The following HACE1 variants were observed in gnomAD, a reference collection of about 807,000 sequenced individuals.
The protein encoded by HACE1 is E3 ubiquitin-protein ligase HACE1.
Under a neutral mutation model 118.4 loss-of-function variants are expected in HACE1, and 73 were observed. That is an observed-to-expected ratio of 0.62 (90% CI 0.51 to 0.75). HACE1 has a LOEUF of 0.75. Ranked by LOEUF, HACE1 falls within the 30% of genes least tolerant of loss-of-function variation. The pLI is 0.00. For synonymous variants in HACE1, 368 were observed against 374.8 expected (o/e 0.98, Z 0.21); for missense variants, 749 against 1,102.2 (o/e 0.68, Z 4.54).
chr6:104,825,263 T>G (rs1285873844), intron 6 of HACE1, among the ~76,000 whole-genome samples: 1 of 152,100 alleles, frequency 6.6e-6, no homozygotes, highest in African/African-American at 2.4e-5. Context: ...TTTCCACGCC[T>G]AAGTAACAAA....
chr6:104,856,412 A>G (rs1337088745), intron 1 of HACE1, among the ~76,000 whole-genome samples: 3 of 151,722 alleles, frequency 2.0e-5, no homozygotes, highest in Non-Finnish European at 2.9e-5. Context: ...TACATACACT[A>G]ACAACATACA....
In HACE1 at chr6:104,849,228, G is replaced by T. The variant is rs761086584; in HGVS notation, c.240C>A (p.Cys80Ter). 3 of 1,601,128 alleles carry T rather than the reference G, an allele frequency of 1.9e-6. No homozygotes were observed. The highest frequency in any genetic ancestry group is 2.2e-5 in the South Asian group (2 of 90,786). ...HIAANCGSVECLVLLLKKGAN... is the reference protein window; with the variant it reads ...HIAANCGSVE ...CTCCTTTCTTTAACAGCAAAACCAA[G>T]CATTCCACCGATCCACAACTAAAAC... is the stretch of plus-strand genomic sequence containing the variant. The change falls in exon 4 of 24, where the codon TGC (cysteine) becomes TGA (stop). Residue 80 changes from cysteine to a stop codon, truncating the protein, a stop_gained. Coordinates refer to ENST00000262903, the MANE Select transcript of HACE1 (RefSeq NM_020771.4). LOFTEE classifies it high-confidence loss of function.
At chr6:104,858,269 C>A (rs4245525) in intron 1 of HACE1, 2 of 174,258 alleles carry the variant, frequency 1.1e-5, no homozygotes, top group South Asian at 9.8e-5. Flanking sequence ...AATTCGACTA[C>A]GAAAAATAAG....
chr6:104,859,899 C>T lies in HACE1; in HGVS notation c.-257G>A, dbSNP rs1356943381. 1 of 465,762 alleles carries T rather than the reference C, an allele frequency of 2.1e-6. No individual in the cohort carries two copies. Among genetic ancestry groups the T allele is most frequent in the Admixed American group, 4.6e-5 (1 of 21,744 alleles). 28.9% of individuals were successfully genotyped at this position (465,762 alleles called of 1,614,324 possible). A position where few individuals can be genotyped will look rare whatever the true frequency, so the allele number is the denominator to read the frequency against. On this transcript the variant is annotated 5_prime_UTR_variant, in exon 1 of 24. Coordinates refer to ENST00000262903, the MANE Select transcript of HACE1 (RefSeq NM_020771.4). ...CTGCAGCCCCCGCCGCCGCGTCCCT[C>T]CCGGGCTCGCGTGGCCTTCTGGGAA...
rs200904828 is a variant in HACE1, at chr6:104,734,599, G to GT, written c.2514-4184dup. 8.5e-3 allele frequency among the ~76,000 whole-genome samples: 1,293 copies of GT among 152,186 alleles called. 23 individuals are homozygous for GT. The highest frequency in any genetic ancestry group is 0.03 in the African/African-American group (1,227 of 41,528). ...GAAAGGTGAATTCTTCAATCCAAGG[G>GT]TGAAGCTAGCTCCGTGTTGTTTCCC... is the stretch of plus-strand genomic sequence containing the variant. On this transcript the variant is annotated intron_variant, in intron 22 of 23. Coordinates refer to ENST00000262903, the MANE Select transcript of HACE1 (RefSeq NM_020771.4).
intron 19 of HACE1, among the ~76,000 whole-genome samples, chr6:104,760,474 G>A (rs1196604762): frequency 6.6e-6 from 1 of 152,066 alleles, no homozygotes; most frequent in African/African-American, 2.4e-5. Flanking sequence ...TGCAAAAAAG[G>A]CCTTTGACAA....
chr6:104,825,376 A>T (rs1299286780), intron 6 of HACE1, among the ~76,000 whole-genome samples: 9 of 152,010 alleles, frequency 5.9e-5, no homozygotes, highest in Non-Finnish European at 1.2e-4. Context: ...ACGTTTGCAT[A>T]GGAGTCTAAC....
chr6:104,828,097 T>C (rs1483537226), intron 6 of HACE1, among the ~76,000 whole-genome samples: 3 of 152,034 alleles, frequency 2.0e-5, no homozygotes, highest in African/African-American at 7.2e-5. Flanking sequence ...TTTTTGGCAA[T>C]TCAACACATT....
chr6:104,811,242 T>TTA, intron 7 of HACE1, 69 bp downstream of exon 7: 1 of 186,314 alleles, frequency 5.4e-6, no homozygotes, highest in Non-Finnish European at 9.7e-6. Flanking sequence ...ATTTCTTTAT[T>TTA]TATACATATA....
rs1775935090 is a variant in HACE1, at chr6:104,849,154, G to C, written c.314C>G (p.Ala105Gly). Residue 105 changes from alanine (A) to glycine (G), a missense_variant, in exon 4 of 24, where the codon GCA (alanine) becomes GGA (glycine). By Grantham distance (60) the Ala-to-Gly change is moderately conservative. Coordinates refer to ENST00000262903, the MANE Select transcript of HACE1 (RefSeq NM_020771.4). ...DISGCTPLHL[A>G]ARNGQKKCMS... Reference sequence around the variant, plus strand: ...ACTAAATAGTTACCCATTTCTTGCTGCCAAATGAAGGGGTGTACAGCCTGA... The same window carrying C: ...ACTAAATAGTTACCCATTTCTTGCTCCCAAATGAAGGGGTGTACAGCCTGA... 1 of 1,585,510 alleles carries C rather than the reference G, an allele frequency of 6.3e-7. No individual in the cohort carries two copies.
intron 17 of HACE1, among the ~76,000 whole-genome samples, chr6:104,774,370 G>T (rs796873447): frequency 1.1e-5 from 1 of 87,986 alleles, no homozygotes; most frequent in Non-Finnish European, 2.2e-5. Flanking sequence ...GATTACAGGC[G>T]TGAGCCACCG....
chr6:104,739,957 A>T (rs1268408212), intron 22 of HACE1, among the ~76,000 whole-genome samples: 7 of 151,428 alleles, frequency 4.6e-5, no homozygotes, highest in South Asian at 2.1e-4. Flanking sequence ...CAGAAATTAT[A>T]ACAAACTATC....
chr6:104,760,343 T>C (rs1039453095), intron 19 of HACE1, among the ~76,000 whole-genome samples: 1 of 152,186 alleles, frequency 6.6e-6, no homozygotes. Context: ...AAAAAGCTTA[T>C]CCACCACGAT....
intron 6 of HACE1, among the ~76,000 whole-genome samples, chr6:104,811,747 T>C (rs1771651779): frequency 6.6e-6 from 1 of 152,140 alleles, no homozygotes; most frequent in Non-Finnish European, 1.5e-5. Flanking sequence ...TGTATTTAAT[T>C]ATAGCTCATT....
At chr6:104,769,421 C>A (rs1780380485) in intron 19 of HACE1, among the ~76,000 whole-genome samples, 1 of 152,082 alleles carries the variant, frequency 6.6e-6, no homozygotes, top group East Asian at 1.9e-4. Flanking sequence ...TTATCAAAGG[C>A]AATCATTGCT....
In HACE1 at chr6:104,745,001, G is replaced by GA. The variant is rs1212964298; in HGVS notation, c.2344-392dup. Among the ~76,000 whole-genome samples, 6 of 152,192 alleles carry GA rather than the reference G, an allele frequency of 3.9e-5. No individual in the cohort carries two copies. The East Asian group carries it at 1.2e-3, about 29-fold the overall frequency. The stretch of plus-strand genomic sequence containing the variant: ...TGTAAGGAGACAGTATTCTCAACAT[G>GA]AAAGTGACAACAAAGACCCGAATAA... On this transcript the variant is annotated intron_variant, in intron 20 of 23. Coordinates refer to ENST00000262903, the MANE Select transcript of HACE1 (RefSeq NM_020771.4).
chr6:104,847,660 C>A (rs4946645), intron 4 of HACE1, among the ~76,000 whole-genome samples: 1 of 151,994 alleles, frequency 6.6e-6, no homozygotes, highest in Admixed American at 6.6e-5. Context: ...ATGTAATGGA[C>A]AATTTTTAGC....
chr6:104,782,774 T>C (rs1047210939), intron 14 of HACE1, among the ~76,000 whole-genome samples: 3 of 152,238 alleles, frequency 2.0e-5, no homozygotes, highest in Admixed American at 6.5e-5. Context: ...TATATAGTTA[T>C]GTATAATTTT....
Position 104,793,250 on chromosome 6 carries a change from G to C in HACE1, c.924-1596C>G, listed in dbSNP as rs1379314192. On this transcript the variant is annotated intron_variant, in intron 10 of 23. Coordinates refer to ENST00000262903, the MANE Select transcript of HACE1 (RefSeq NM_020771.4). ...CCACTGCACTCCAGCCTGGGCGATA[G>C]AGCGAGACTACATCTCAAAAAAAAA... is the stretch of plus-strand genomic sequence containing the variant. Among the ~76,000 whole-genome samples, 3 of 138,306 alleles carry C rather than the reference G, an allele frequency of 2.2e-5. No individual in the cohort carries two copies. The Admixed American group carries it at 2.3e-4, about 11-fold the overall frequency. 90.7% of individuals were successfully genotyped at this position (138,306 alleles called of 152,430 possible). A position where few individuals can be genotyped will look rare whatever the true frequency, so the allele number is the denominator to read the frequency against.
Sources: allele counts gnomAD v4.1 joint callset (sites outside exome capture counted in the v4.1 genomes callset), GRCh38; gene constraint gnomAD v4.1.1; transcripts MANE v1.5; gene names NCBI Gene and HGNC (gene_info 2026-07-23, HGNC 2026-07-21).